DLG2: variants seen among roughly 807,000 people sequenced by gnomAD.
The protein encoded by DLG2 is discs large MAGUK scaffold protein 2.
Under a neutral mutation model 132.5 loss-of-function variants are expected in DLG2, and 45 were observed. The ratio of observed to expected loss-of-function variants is 0.34; its 90% CI spans 0.27 to 0.44. The LOEUF (loss-of-function observed/expected upper bound fraction) is 0.44. DLG2 is among the 20% of genes least tolerant of loss of function. DLG2 has a pLI of 1.00. For missense variants in DLG2, 1,045 were observed against 1,196.9 expected (o/e 0.87, Z 1.87); for synonymous variants, 424 against 419.6 (o/e 1.01, Z -0.13).
chr11:84,339,855 G>C (rs1315605894), intron 7 of DLG2, among the ~76,000 whole-genome samples: 1 of 152,124 alleles, frequency 6.6e-6, no homozygotes, highest in African/African-American at 2.4e-5. Flanking sequence ...GAATAGTTTT[G>C]CTTTTTTGCT....
intron 11 of DLG2, among the ~76,000 whole-genome samples, chr11:84,033,946 T>C (rs2095790004): frequency 6.6e-6 from 1 of 152,116 alleles, no homozygotes; most frequent in South Asian, 2.1e-4. Flanking sequence ...CCGGGCATGT[T>C]GGCACATGCC....
chr11:84,220,802 G>C (rs1455297292), intron 8 of DLG2, among the ~76,000 whole-genome samples: 1 of 21,712 alleles, frequency 4.6e-5, no homozygotes, highest in Admixed American at 4.3e-4. Flanking sequence ...TTTTTTTTTT[G>C]ACAGGGTCTA....
intron 3 of DLG2, among the ~76,000 whole-genome samples, chr11:85,512,492 T>C (rs567267697): frequency 4.3e-4 from 66 of 152,236 alleles, no homozygotes; most frequent in African/African-American, 1.4e-3. Context: ...GTGACCTTTC[T>C]CTATAAATAA....
chr11:85,546,474 G>T (rs113695141), intron 3 of DLG2, among the ~76,000 whole-genome samples: 41,232 of 151,970 alleles, frequency 0.27, 6,705 homozygotes, highest in African/African-American at 0.44. Context: ...TTCTGTTGAT[G>T]TGGGGTGGAG....
intron 4 of DLG2, among the ~76,000 whole-genome samples, chr11:85,216,742 G>A (rs1306458816): frequency 6.6e-6 from 1 of 151,908 alleles, no homozygotes; most frequent in African/African-American, 2.4e-5. Context: ...TGTCACCCAG[G>A]CTGGAGTGCA....
At chr11:83,882,750 T>A in intron 15 of DLG2, among the ~76,000 whole-genome samples, 1 of 152,224 alleles carries the variant, frequency 6.6e-6, no homozygotes, top group Non-Finnish European at 1.5e-5. Flanking sequence ...AACAAGTCAA[T>A]AACTGGTTCT....
At chr11:83,999,169 C>T (rs1463635132) in intron 11 of DLG2, among the ~76,000 whole-genome samples, 2 of 152,162 alleles carry the variant, frequency 1.3e-5, no homozygotes, top group Non-Finnish European at 2.9e-5. Flanking sequence ...TGGCATCCAC[C>T]ATTAGGAAGC....
intron 14 of DLG2, among the ~76,000 whole-genome samples, chr11:83,954,307 T>C (rs1264058293): frequency 6.6e-6 from 1 of 152,214 alleles, no homozygotes; most frequent in Non-Finnish European, 1.5e-5. Context: ...AGTAGGATAG[T>C]TCTATGAATG....
intron 18 of DLG2, among the ~76,000 whole-genome samples, chr11:83,715,691 C>G (rs934430259): frequency 1.3e-5 from 2 of 152,174 alleles, no homozygotes; most frequent in Non-Finnish European, 2.9e-5. Context: ...ACGATTGTTC[C>G]GTGATCCTTC....
intron 11 of DLG2, among the ~76,000 whole-genome samples, chr11:84,008,838 G>A (rs2094715764): frequency 6.6e-6 from 1 of 151,594 alleles, no homozygotes; most frequent in African/African-American, 2.4e-5. Flanking sequence ...AGAGTTCCTG[G>A]GATGACCCAG....
chr11:84,083,588 G>T (rs1374884392), intron 10 of DLG2, among the ~76,000 whole-genome samples: 1 of 152,152 alleles, frequency 6.6e-6, no homozygotes, highest in Non-Finnish European at 1.5e-5. Flanking sequence ...CATGACAGTG[G>T]TTAGTTATTT....
At chr11:85,522,179 T>G (rs568036362) in intron 3 of DLG2, among the ~76,000 whole-genome samples, 5 of 152,266 alleles carry the variant, frequency 3.3e-5, no homozygotes, top group Non-Finnish European at 7.4e-5. Context: ...ACTCCAGCCA[T>G]GGCTAAAAGG....
chr11:85,034,603 G>A (rs929084370), intron 6 of DLG2, among the ~76,000 whole-genome samples: 1 of 152,164 alleles, frequency 6.6e-6, no homozygotes, highest in African/African-American at 2.4e-5. Flanking sequence ...AGAACTGAGA[G>A]TAGTTTTTCA....
intron 6 of DLG2, among the ~76,000 whole-genome samples, chr11:84,603,177 G>C (rs1045783455): frequency 6.6e-6 from 1 of 151,818 alleles, no homozygotes; most frequent in African/African-American, 2.4e-5. Flanking sequence ...GCTTTAGAAG[G>C]CTTATTAGTC....
At chr11:84,997,081 A>C (rs2057725011) in intron 6 of DLG2, 1 of 153,084 alleles carries the variant, frequency 6.5e-6, no homozygotes, top group Non-Finnish European at 1.5e-5. Flanking sequence ...ATTAATAATC[A>C]TGGTTTGCTT....
chr11:85,092,250 C>G (rs961339143), intron 6 of DLG2, among the ~76,000 whole-genome samples: 1 of 151,956 alleles, frequency 6.6e-6, no homozygotes, highest in Admixed American at 6.6e-5. Flanking sequence ...CAAAAGTGGG[C>G]TTAAAATATT....
chr11:84,996,282 C>A lies in DLG2; in HGVS notation c.357+115379G>T, dbSNP rs544456365. Reference sequence around the variant, plus strand: ...TCCAGAAAGTTCTCAGCCACTATCTCCTCCAAAATTCCACTGATTTTTCCT... The same window carrying A: ...TCCAGAAAGTTCTCAGCCACTATCTACTCCAAAATTCCACTGATTTTTCCT... On this transcript the variant is annotated intron_variant, in intron 6 of 27. Coordinates refer to ENST00000376104, the MANE Select transcript of DLG2 (RefSeq NM_001142699.3). Among the ~76,000 whole-genome samples the A allele has an allele frequency of 1.8e-4, 27 of 152,154 alleles. No individual in the cohort carries two copies. In the South Asian group the frequency reaches 5.0e-3, roughly 28 times the overall value.
chr11:84,857,677 GCT>G (rs1330924372), intron 6 of DLG2, among the ~76,000 whole-genome samples: 3 of 151,902 alleles, frequency 2.0e-5, no homozygotes, highest in Non-Finnish European at 4.4e-5. Flanking sequence ...TTCCCACTTT[GCT>G]ATGTCTCCCC....
intron 10 of DLG2, among the ~76,000 whole-genome samples, chr11:84,094,017 T>C (rs1020779931): frequency 6.6e-6 from 1 of 151,820 alleles, no homozygotes; most frequent in Non-Finnish European, 1.5e-5. Context: ...CATGTGCACA[T>C]TGTGCAGGTT....
Sources: gnomAD v4.1 joint callset for allele counts (sites outside exome capture counted in the v4.1 genomes callset) on GRCh38, gnomAD v4.1.1 for gene constraint, MANE v1.5 for transcripts, NCBI Gene and HGNC (gene_info 2026-07-23, HGNC 2026-07-21) for gene names.